NKAIN4: variants seen among roughly 807,000 people sequenced by gnomAD.
NKAIN4 encodes sodium/potassium transporting ATPase interacting 4.
Under a neutral mutation model 28.8 loss-of-function variants are expected in NKAIN4, and 28 were observed. The ratio of observed to expected loss-of-function variants is 0.97; its 90% CI spans 0.72 to 1.33. The LOEUF is 1.33. Ranked by LOEUF, NKAIN4 falls within the 40% of genes most tolerant of loss-of-function variation. The pLI, the probability that NKAIN4 is intolerant of heterozygous loss-of-function variation, is 0.00. For missense variants in NKAIN4, 289 were observed against 277.2 expected (o/e 1.04, Z -0.30); for synonymous variants, 122 against 115.6 (o/e 1.06, Z -0.36).
intron 1 of NKAIN4, 65 bp from the exon 2 acceptor site, chr20:63,250,137 A>G: frequency 6.7e-7 from 1 of 1,499,364 alleles, no homozygotes; most frequent in South Asian, 1.3e-5. Context: ...CCAGCCAGGT[A>G]CTGGGCCAAG....
Position 63,247,004 on chromosome 20 carries a change from C to T in NKAIN4, c.471+574G>A, listed in dbSNP as rs549871200. The T allele has an allele frequency of 9.0e-4, 904 of 999,990 alleles. 8 individuals are homozygous for T. The African/African-American group carries it at 0.015, about 16-fold the overall frequency. 61.9% of individuals were successfully genotyped at this position (999,990 alleles called of 1,614,324 possible). A position where few individuals can be genotyped will look rare whatever the true frequency, so the allele number is the denominator to read the frequency against. ...GGAGAGGACGGCAGAGTCCCGTTCC[C>T]GCACAAGCAACAGCTGCTCCTCAGC... is the stretch of plus-strand genomic sequence containing the variant. On this transcript the variant is annotated intron_variant, in intron 4 of 6. Coordinates refer to ENST00000370316, the MANE Select transcript of NKAIN4 (RefSeq NM_152864.4).
rs894915683 is a variant in NKAIN4, at chr20:63,241,168, G to A, written c.*329C>T. 1.5e-5 allele frequency: 5 copies of A among 329,660 alleles called. No individual in the cohort carries two copies. The highest frequency in any genetic ancestry group is 2.8e-5 in the Non-Finnish European group (5 of 177,680). 20.4% of individuals were successfully genotyped at this position (329,660 alleles called of 1,614,324 possible). On this transcript the variant is annotated 3_prime_UTR_variant, in exon 7 of 7. Transcript: ENST00000370316. ...TGGGCACCTGAGGGAGGGGCTCCTC[G>A]ACGAGACGACAGCCTGGGGGCAGAG...
At position 63,241,367 on chromosome 20, in the gene NKAIN4, G is replaced by A; in HGVS notation, c.*130C>T. The A allele has an allele frequency of 1.0e-5, 9 of 901,640 alleles. No homozygotes were observed. Among genetic ancestry groups the A allele is most frequent in the South Asian group, 1.5e-5 (1 of 68,752 alleles). The allele number at this position is 901,640 out of a possible 1,614,324, so 55.9% of individuals were successfully genotyped here. ...GCTGGTGTCCAGTACTTAGAACCCA[G>A]GGCAGGTGCTGCCGGCCGCCTGGGG... On this transcript the variant is annotated 3_prime_UTR_variant, in exon 7 of 7. Transcript: ENST00000370316.
At position 63,241,085 on chromosome 20, in the gene NKAIN4, C is replaced by T. The variant is rs1015852493; in HGVS notation, c.*412G>A. ...GGGTCTCGGGCCTCACATTGACTTC[C>T]TGGGGAGGCTGCATCCCAGCAGCAG... On this transcript the variant is annotated 3_prime_UTR_variant, in exon 7 of 7. Coordinates refer to ENST00000370316, the MANE Select transcript of NKAIN4 (RefSeq NM_152864.4). 1.4e-5 allele frequency: 3 copies of T among 218,268 alleles called. No individual in the cohort carries two copies. The highest frequency in any genetic ancestry group is 6.2e-5 in the South Asian group (1 of 16,082). The allele number at this position is 218,268 out of a possible 1,614,324, so 13.5% of individuals were successfully genotyped here. A position where few individuals can be genotyped will look rare whatever the true frequency, so the allele number is the denominator to read the frequency against.
chr20:63,246,882 TGTTAG>T, intron 4 of NKAIN4: 1 of 985,364 alleles, frequency 1.0e-6, no homozygotes, highest in Non-Finnish European at 1.2e-6. Context: ...ACACGGAGGT[TGTTAG>T]GCTCACAGAG....
upstream of NKAIN4, chr20:63,254,489 C>G: frequency 2.3e-6 from 3 of 1,280,896 alleles, no homozygotes; most frequent in Non-Finnish European, 3.0e-6. Context: ...GTGCCCCGCG[C>G]TCGGCCCCCG....
chr20:63,247,129 C>G, intron 4 of NKAIN4: 3 of 1,061,824 alleles, frequency 2.8e-6, no homozygotes, highest in Non-Finnish European at 3.4e-6. Flanking sequence ...GGCTGAGGGG[C>G]TTCTTGCCAG....
chr20:63,249,705 C>T (rs1212867212), intron 2 of NKAIN4, among the ~76,000 whole-genome samples: 1 of 152,060 alleles, frequency 6.6e-6, no homozygotes, highest in African/African-American at 2.4e-5. Flanking sequence ...GTGCCTGGGG[C>T]CCCCCAATAT....
At position 63,246,587 on chromosome 20, in the gene NKAIN4, C is replaced by T. The variant is rs919744394; in HGVS notation, c.471+991G>A. On this transcript the variant is annotated intron_variant, in intron 4 of 6. Transcript: ENST00000370316. Reference sequence around the variant, plus strand: ...TTGGAATTCAGCTCCCACCGCCAGCCGCCGGCCATGGAGCCTCGCTCCTGG... The same window carrying T: ...TTGGAATTCAGCTCCCACCGCCAGCTGCCGGCCATGGAGCCTCGCTCCTGG... 1.2e-5 allele frequency: 12 copies of T among 985,314 alleles called. No homozygotes were observed. In the African/African-American group the frequency reaches 1.9e-4, roughly 16 times the overall value. The allele number at this position is 985,314 out of a possible 1,614,324, so 61.0% of individuals were successfully genotyped here. A position where few individuals can be genotyped will look rare whatever the true frequency, so the allele number is the denominator to read the frequency against.
chr20:63,253,396 C>G (rs1045836234), intron 1 of NKAIN4: 2 of 985,270 alleles, frequency 2.0e-6, no homozygotes, highest in Admixed American at 1.2e-4. Flanking sequence ...AAGCCTGTGC[C>G]CCTAAGCCGA....
intron 3 of NKAIN4, chr20:63,248,121 C>A (rs1429450281): frequency 4.8e-6 from 1 of 209,564 alleles, no homozygotes; most frequent in Non-Finnish European, 9.4e-6. Context: ...GACAGTCTTC[C>A]CGGCTGCAGC....
chr20:63,247,479 C>T (rs768806783), intron 4 of NKAIN4, 99 bp downstream of exon 4: 1 of 1,548,040 alleles, frequency 6.5e-7, no homozygotes, highest in South Asian at 1.2e-5. Context: ...CGCCTGAGGC[C>T]AGGTCAGCTG....
Position 63,252,548 on chromosome 20 carries a change from CTCT to C in NKAIN4, c.54+1846_54+1848del, listed in dbSNP as rs1188134528. 6.6e-6 allele frequency among the ~76,000 whole-genome samples: 1 copy of C among 152,102 alleles called. No homozygotes were observed. The highest frequency in any genetic ancestry group is 1.5e-5 in the Non-Finnish European group (1 of 68,002). On this transcript the variant is annotated intron_variant, in intron 1 of 6. Transcript: ENST00000370316. This position sits in a 1 kb window ranked among gnomAD's most constrained non-coding sequence, Gnocchi z 4.6. ...CAGTGACTAGAGCTGTGGTCAAGGA[CTCT>C]TCTTCCCCAAGGCAGAGGAGGCACA...
At chr20:63,250,928 T>TCCATCCC (rs1233453452) in intron 1 of NKAIN4, among the ~76,000 whole-genome samples, 9 of 29,892 alleles carry the variant, frequency 3.0e-4, no homozygotes, top group African/African-American at 1.1e-3. Flanking sequence ...CCCCAGCCAC[T>TCCATCCC]CCATCCCCCA....
chr20:63,243,230 G>A (rs953219891), intron 5 of NKAIN4, among the ~76,000 whole-genome samples: 7 of 152,174 alleles, frequency 4.6e-5, no homozygotes, highest in Admixed American at 4.6e-4. Context: ...ATCAGCAGCA[G>A]AGTGGCTGAG....
intron 3 of NKAIN4, 69 bp from the exon 4 acceptor site, chr20:63,247,844 G>T: frequency 7.1e-7 from 1 of 1,407,646 alleles, no homozygotes; most frequent in Non-Finnish European, 9.3e-7. Flanking sequence ...ACTGCAGCCT[G>T]CGGGGACGCC....
At position 63,244,030 on chromosome 20, in the gene NKAIN4, C is replaced by A; in HGVS notation, c.526G>T (p.Asp176Tyr). Residue 176 changes from aspartate (D) to tyrosine (Y), a missense_variant, in exon 5 of 7, where the codon GAC (aspartate) becomes TAC (tyrosine). Asp to Tyr is a radical substitution (Grantham distance 160). Transcript: ENST00000370316. Reference sequence around the variant, plus strand: ...GCAGAGGCCCCATACTCACAGCTGTCCTCTTCCTCCGTAAACACGCTGACC... The same window carrying A: ...GCAGAGGCCCCATACTCACAGCTGTACTCTTCCTCCGTAAACACGCTGACC... ...QVVSVFTEEE[D>Y]SFDFIGGFDP... 1 of 1,613,338 alleles carries A rather than the reference C, an allele frequency of 6.2e-7. No individual in the cohort carries two copies. The highest frequency in any genetic ancestry group is 8.5e-7 in the Non-Finnish European group (1 of 1,179,620).
At chr20:63,248,746 G>C in intron 3 of NKAIN4, 69 bp downstream of exon 3, 1 of 977,820 alleles carries the variant, frequency 1.0e-6, no homozygotes, top group Non-Finnish European at 1.6e-6. Context: ...GCAAACACAG[G>C]GGGTGTTACC....
Position 63,250,077 on chromosome 20 carries a change from G to A in NKAIN4, c.55-5C>T, listed in dbSNP as rs778402969. The A allele has an allele frequency of 5.8e-6, 9 of 1,561,368 alleles. No homozygotes were observed. The highest frequency in any genetic ancestry group is 2.3e-5 in the South Asian group (2 of 85,174). On this transcript the variant is annotated splice_polypyrimidine_tract_variant and splice_region_variant and intron_variant, in intron 1 of 6. Coordinates refer to ENST00000370316, the MANE Select transcript of NKAIN4 (RefSeq NM_152864.4). ...CTGCCTCTCCAGGGCGGCGACCTAG[G>A]AGCAGGGCGGGCGCCATGAAGGGTG...
Sources: gnomAD v4.1 joint callset for allele counts (sites outside exome capture counted in the v4.1 genomes callset) on GRCh38, gnomAD v4.1.1 for gene constraint, Gnocchi (gnomAD v3.1) non-coding constraint, MANE v1.5 for transcripts, NCBI Gene and HGNC (gene_info 2026-07-23, HGNC 2026-07-21) for gene names.